The following CDK14 variants were observed in gnomAD, a reference collection of about 807,000 sequenced individuals.
CDK14 encodes cyclin dependent kinase 14.
CDK14 carries 34 observed loss-of-function variants against 60.7 expected under a neutral mutation model. The ratio of observed to expected loss-of-function variants is 0.56; its 90% CI spans 0.43 to 0.75. CDK14 has a LOEUF of 0.75. CDK14 is among the 30% of genes least tolerant of loss of function. CDK14 has a pLI of 0.00. For missense variants in CDK14, 482 were observed against 564.1 expected, an observed-to-expected ratio of 0.85 and a Z score of 1.47; for synonymous variants, 197 against 203.7, an observed-to-expected ratio of 0.97 and a Z score of 0.28.
At chr7:90,726,378 A>G (rs935859178) in intron 2 of CDK14, 189 bp from the exon 3 acceptor site, 15 of 1,281,680 alleles carry the variant, frequency 1.2e-5, no homozygotes, top group Middle Eastern at 2.8e-4. Flanking sequence ...TGTGAGATCT[A>G]AGTGTAAACA....
At chr7:90,759,536 C>T (rs372827818) in intron 4 of CDK14, among the ~76,000 whole-genome samples, 41 of 152,298 alleles carry the variant, frequency 2.7e-4, no homozygotes, top group African/African-American at 9.6e-4. Context: ...ATAAGAGCTA[C>T]TACCTCTCAC....
chr7:90,952,626 G>A (rs1266993138), intron 8 of CDK14, among the ~76,000 whole-genome samples: 1 of 152,158 alleles, frequency 6.6e-6, no homozygotes, highest in Non-Finnish European at 1.5e-5. Flanking sequence ...GCAGCAACGT[G>A]CATATAACCT....
At chr7:90,953,248 TG>T (rs1794314676) in intron 8 of CDK14, among the ~76,000 whole-genome samples, 1 of 152,188 alleles carries the variant, frequency 6.6e-6, no homozygotes, top group Non-Finnish European at 1.5e-5. Flanking sequence ...TGTAGAATAA[TG>T]TATCTTAAAA....
rs201986560 is a variant in CDK14 at position 91,191,492 on chromosome 7, C to CAT, written c.*29-15662_*29-15661dup. ...CAAGTCTACAAGATGCTTAGGATTC[C>CAT]ATATATATATATTCACACATATATA... On this transcript the variant is annotated intron_variant, in intron 14 of 14. Coordinates refer to ENST00000380050, the MANE Select transcript of CDK14 (RefSeq NM_001287135.2). Among the ~76,000 whole-genome samples the CAT allele has an allele frequency of 2.4e-3, 367 of 151,146 alleles. 1 individual carries two copies. The highest frequency in any genetic ancestry group is 8.3e-3 in the African/African-American group (343 of 41,232).
chr7:90,731,135 G>GT (rs142136649), intron 3 of CDK14, among the ~76,000 whole-genome samples: 22,606 of 152,044 alleles, frequency 0.15, 1,796 homozygotes, highest in South Asian at 0.18. Context: ...CTTTGTTTTT[G>GT]TCAGGTTTGT....
At chr7:91,189,286 A>G (rs1802281688) in intron 14 of CDK14, among the ~76,000 whole-genome samples, 1 of 152,174 alleles carries the variant, frequency 6.6e-6, no homozygotes, top group Non-Finnish European at 1.5e-5. Context: ...CTATCTCACA[A>G]GTCCACAATT....
At chr7:90,685,781 A>G (rs1481688085) in intron 2 of CDK14, among the ~76,000 whole-genome samples, 1 of 151,654 alleles carries the variant, frequency 6.6e-6, no homozygotes. Flanking sequence ...ATTAGGAAGA[A>G]CTGATATGTG....
intron 2 of CDK14, among the ~76,000 whole-genome samples, chr7:90,717,117 T>C (rs1802275601): frequency 6.6e-6 from 1 of 152,028 alleles, no homozygotes; most frequent in Non-Finnish European, 1.5e-5. Flanking sequence ...CTATGAGTGC[T>C]CATTAAAACC....
rs1168622964 is a variant in CDK14, at chr7:90,994,210, G to T, written c.1041+9969G>T. ...TGCAGACACATGGTAGCTGGAGCTC[G>T]ACTAATCAGGGCTGGAGCAGTTGGG... On this transcript the variant is annotated intron_variant, in intron 10 of 14. Transcript: ENST00000380050. 6.6e-5 allele frequency among the ~76,000 whole-genome samples: 10 copies of T among 152,260 alleles called. No homozygotes were observed. In the South Asian group the frequency reaches 1.7e-3, roughly 25 times the overall value.
At chr7:90,897,572 G>C (rs1344258957) in intron 6 of CDK14, among the ~76,000 whole-genome samples, 1 of 151,728 alleles carries the variant, frequency 6.6e-6, no homozygotes, top group Non-Finnish European at 1.5e-5. Flanking sequence ...TCATATACTG[G>C]CTTCAAAAAC....
At chr7:91,033,481 TC>T (rs1160921779) in intron 10 of CDK14, among the ~76,000 whole-genome samples, 1 of 152,216 alleles carries the variant, frequency 6.6e-6, no homozygotes, top group African/African-American at 2.4e-5. Flanking sequence ...AAGCAGTACT[TC>T]TCAAACTTCA....
At chr7:91,183,407 C>G (rs993794269) in intron 14 of CDK14, among the ~76,000 whole-genome samples, 1 of 152,236 alleles carries the variant, frequency 6.6e-6, no homozygotes, top group Non-Finnish European at 1.5e-5. Flanking sequence ...TGGTCCCATT[C>G]TGCACCCAGT....
At chr7:90,839,498 C>G (rs1213047736) in intron 5 of CDK14, among the ~76,000 whole-genome samples, 1 of 152,184 alleles carries the variant, frequency 6.6e-6, no homozygotes, top group Admixed American at 6.5e-5. Flanking sequence ...CTTCCTCCCA[C>G]CCCATCTGTT....
intron 5 of CDK14, among the ~76,000 whole-genome samples, chr7:90,836,704 A>G (rs937831425): frequency 1.3e-5 from 2 of 152,240 alleles, no homozygotes; most frequent in African/African-American, 4.8e-5. Context: ...TGTTCTGTAC[A>G]TAATTGTCTA....
At chr7:90,772,182 C>G (rs1225735868) in intron 4 of CDK14, among the ~76,000 whole-genome samples, 1 of 152,200 alleles carries the variant, frequency 6.6e-6, no homozygotes, top group Non-Finnish European at 1.5e-5. Context: ...ATAGAGCACT[C>G]CCACTGAACT....
chr7:91,174,850 T>C (rs1466543757), intron 14 of CDK14, among the ~76,000 whole-genome samples: 3 of 79,688 alleles, frequency 3.8e-5, no homozygotes, highest in African/African-American at 6.4e-5. Flanking sequence ...CTGAAAGTGA[T>C]GTGGAGAATG....
chr7:91,124,722 C>A (rs916695867), intron 14 of CDK14, among the ~76,000 whole-genome samples: 5 of 152,064 alleles, frequency 3.3e-5, no homozygotes, highest in Non-Finnish European at 5.9e-5. Context: ...AAATTAATTT[C>A]TTAGGGACTA....
chr7:90,756,264 A>G (rs1038590661), intron 4 of CDK14, among the ~76,000 whole-genome samples: 4 of 152,232 alleles, frequency 2.6e-5, no homozygotes, highest in Admixed American at 6.5e-5. Flanking sequence ...AACCACTTGG[A>G]AGTTCCTATC....
At chr7:91,033,375 A>G (rs548715865) in intron 10 of CDK14, among the ~76,000 whole-genome samples, 2 of 152,294 alleles carry the variant, frequency 1.3e-5, no homozygotes, top group Non-Finnish European at 2.9e-5. Flanking sequence ...ATAATCTTAC[A>G]TAGGCACTCC....
Sources: allele counts gnomAD v4.1 joint callset (sites outside exome capture counted in the v4.1 genomes callset), GRCh38; gene constraint gnomAD v4.1.1; transcripts MANE v1.5; gene names NCBI Gene and HGNC (gene_info 2026-07-23, HGNC 2026-07-21).